ALDH1A3: variants seen among roughly 807,000 people sequenced by gnomAD.
The protein encoded by ALDH1A3 is aldehyde dehydrogenase 1 family member A3.
ALDH1A3 carries 28 observed loss-of-function variants against 57.5 expected under a neutral mutation model. The observed-to-expected ratio is 0.49, with a 90% confidence interval of 0.36 to 0.67. The LOEUF (loss-of-function observed/expected upper bound fraction) is 0.67. Ranked by LOEUF, ALDH1A3 falls within the 30% of genes least tolerant of loss-of-function variation. The pLI is 0.00. For missense variants in ALDH1A3, 507 were observed against 669.4 expected, an observed-to-expected ratio of 0.76 and a Z score of 2.68; for synonymous variants, 281 against 264.8, an observed-to-expected ratio of 1.06 and a Z score of -0.59.
intron 8 of ALDH1A3, among the ~76,000 whole-genome samples, chr15:100,898,780 G>A (rs578194190): frequency 5.3e-5 from 8 of 152,206 alleles, no homozygotes; most frequent in East Asian, 1.9e-4. Context: ...GATAGCTTGC[G>A]TCTTGACAGC....
At chr15:100,885,515 C>G in intron 2 of ALDH1A3, 144 bp downstream of exon 2, 1 of 619,614 alleles carries the variant, frequency 1.6e-6, no homozygotes, top group Non-Finnish European at 2.9e-6. Flanking sequence ...GCATGTGGTT[C>G]TCAGACGTGT....
At chr15:100,885,022 C>G (rs2041582015) in intron 1 of ALDH1A3, among the ~76,000 whole-genome samples, 1 of 152,156 alleles carries the variant, frequency 6.6e-6, no homozygotes, top group Non-Finnish European at 1.5e-5. Flanking sequence ...AAAAAAATCT[C>G]TAAGTGACTA....
chr15:100,903,336 TG>T (rs1276228486), intron 9 of ALDH1A3, among the ~76,000 whole-genome samples: 2 of 152,330 alleles, frequency 1.3e-5, no homozygotes, highest in Admixed American at 6.5e-5. Flanking sequence ...CTTTGTTTAT[TG>T]TTCCCTAAAA....
chr15:100,908,433 G>A lies in ALDH1A3; in HGVS notation c.1417G>A (p.Ala473Thr). Residue 473 changes from alanine to threonine, a missense_variant, in exon 12 of 13, where the codon GCA becomes ACA. This residue lies in a region of ALDH1A3 where 432 missense variants were observed against 608.4 expected (regional missense o/e 0.71). Transcript: ENST00000329841. The stretch of plus-strand genomic sequence containing the variant: ...GATCAACTGCTACAACGCCCTCTAT[G>A]CACAGGCTCCATTTGGTGGCTTTAA... ...VWINCYNALY[A>T]QAPFGGFKMS... 2 of 1,613,988 alleles carry A rather than the reference G, an allele frequency of 1.2e-6. No individual in the cohort carries two copies. Among genetic ancestry groups the A allele is most frequent in the South Asian group, 2.2e-5 (2 of 91,070 alleles).
At position 100,906,881 on chromosome 15, in the gene ALDH1A3, A is replaced by G. The variant is rs1201038857; in HGVS notation, c.1234-240A>G. Among the ~76,000 whole-genome samples the G allele has an allele frequency of 6.6e-6, 1 of 152,250 alleles. No homozygotes were observed. The highest frequency in any genetic ancestry group is 1.9e-4 in the East Asian group (1 of 5,202). On this transcript the variant is annotated intron_variant, in intron 10 of 12. Coordinates refer to ENST00000329841, the MANE Select transcript of ALDH1A3 (RefSeq NM_000693.4). This position sits in a 1 kb window ranked among gnomAD's most constrained non-coding sequence, Gnocchi z 4.8. Reference sequence around the variant, plus strand: ...CTGATGACAACAAGACATCTTAAACACAACATATATTTTTTGTTATTATTT... The same window carrying G: ...CTGATGACAACAAGACATCTTAAACGCAACATATATTTTTTGTTATTATTT...
At chr15:100,910,358 C>G (rs898070692) in intron 12 of ALDH1A3, among the ~76,000 whole-genome samples, 4 of 152,240 alleles carry the variant, frequency 2.6e-5, no homozygotes, top group African/African-American at 9.6e-5. Flanking sequence ...TGCTTCATCA[C>G]TTCTTACACC....
In ALDH1A3 at chr15:100,908,269, C is replaced by A. The variant is rs377194095; in HGVS notation, c.1392-139C>A. ...AATGAGAAGACAAAAGTTGAGAGCA[C>A]CCTGTGTTTTCATCAAGGAAGCTTT... is the stretch of plus-strand genomic sequence containing the variant. On this transcript the variant is annotated intron_variant, in intron 11 of 12. Transcript: ENST00000329841. The A allele has an allele frequency of 2.7e-4, 180 of 675,394 alleles. 2 individuals are homozygous for A. In the East Asian group the frequency reaches 3.2e-3, roughly 12 times the overall value. 41.8% of individuals were successfully genotyped at this position (675,394 alleles called of 1,614,324 possible).
chr15:100,896,023 A>C lies in ALDH1A3; in HGVS notation c.757A>C (p.Ile253Leu). 1 of 1,612,178 alleles carries C rather than the reference A, an allele frequency of 6.2e-7. No homozygotes were observed. Among genetic ancestry groups the C allele is most frequent in the South Asian group, 1.1e-5 (1 of 90,422 alleles). Residue 253 changes from isoleucine to leucine, a missense_variant, in exon 7 of 13, where the codon ATC becomes CTC. By Grantham distance (5) the Ile-to-Leu change is conservative. Transcript: ENST00000329841. Reference protein sequence around the residue: ...AISSHPQINKIAFTGSTEVGK... With the variant: ...AISSHPQINKLAFTGSTEVGK... The stretch of plus-strand genomic sequence containing the variant: ...TTCTTCTCACCCTCAGATCAACAAG[A>C]TCGCCTTCACCGGCTCCACAGAGGT...
chr15:100,888,471 G>T (rs531572063), intron 3 of ALDH1A3: 1 of 152,120 alleles, frequency 6.6e-6, no homozygotes, highest in South Asian at 2.1e-4. Context: ...GAAATCACAG[G>T]TTTGATGTGC....
At chr15:100,901,604 A>C (rs1450479199) in intron 9 of ALDH1A3, among the ~76,000 whole-genome samples, 1 of 152,230 alleles carries the variant, frequency 6.6e-6, no homozygotes, top group African/African-American at 2.4e-5. Context: ...TGAAAGTCAC[A>C]AAAACCCTTC....
Position 100,915,873 on chromosome 15 carries a change from G to A in ALDH1A3, c.*1100G>A, listed in dbSNP as rs986477749. ...ACCTCGGTCTTCATCCAAGTGGCCTGAGTATTTCACTGGCAGGTTGTGAAT... is the reference window on the plus strand; with the variant it reads ...ACCTCGGTCTTCATCCAAGTGGCCTAAGTATTTCACTGGCAGGTTGTGAAT... On this transcript the variant is annotated 3_prime_UTR_variant, in exon 13 of 13. Transcript: ENST00000329841. 2.6e-5 allele frequency: 4 copies of A among 152,202 alleles called. No homozygotes were observed. Among genetic ancestry groups the A allele is most frequent in the African/African-American group, 7.2e-5 (3 of 41,460 alleles). 9.4% of individuals were successfully genotyped at this position (152,202 alleles called of 1,614,324 possible). A position where few individuals can be genotyped will look rare whatever the true frequency, so the allele number is the denominator to read the frequency against.
At position 100,887,240 on chromosome 15, in the gene ALDH1A3, T is replaced by C. The variant is rs866172057; in HGVS notation, c.205-332T>C. Among the ~76,000 whole-genome samples, 4 of 152,256 alleles carry C rather than the reference T, an allele frequency of 2.6e-5. 1 individual carries two copies. The Middle Eastern group carries it at 0.01, about 388-fold the overall frequency. On this transcript the variant is annotated intron_variant, in intron 2 of 12. Transcript: ENST00000329841. This position sits in a 1 kb window ranked among gnomAD's most constrained non-coding sequence, Gnocchi z 4.6. ...TGCTGTTCTCTATAACTGATGGCCG[T>C]GGTCCCAAACTGCAGTCACGTCAAA... is the stretch of plus-strand genomic sequence containing the variant.
At chr15:100,891,747 G>A (rs529584624) in intron 3 of ALDH1A3, among the ~76,000 whole-genome samples, 9 of 152,356 alleles carry the variant, frequency 5.9e-5, no homozygotes, top group East Asian at 1.9e-4. Context: ...GATGACTGGC[G>A]GTTTCAGCGC....
intron 11 of ALDH1A3, among the ~76,000 whole-genome samples, chr15:100,907,849 T>TTTC (rs2041839521): frequency 1.5e-5 from 2 of 130,762 alleles, no homozygotes; most frequent in Non-Finnish European, 3.3e-5. Context: ...TCTTTCTTTT[T>TTTC]TTTTTTTTTT....
intron 10 of ALDH1A3, among the ~76,000 whole-genome samples, chr15:100,905,924 G>A (rs1400728169): frequency 6.6e-6 from 1 of 151,838 alleles, no homozygotes; most frequent in Non-Finnish European, 1.5e-5. Context: ...TACCTTGTTT[G>A]TTCTAGCTAG....
At position 100,889,578 on chromosome 15, in the gene ALDH1A3, C is replaced by T. The variant is rs964902553; in HGVS notation, c.345+1866C>T. 6.6e-6 allele frequency among the ~76,000 whole-genome samples: 1 copy of T among 152,338 alleles called. No individual in the cohort carries two copies. Among genetic ancestry groups the T allele is most frequent in the Non-Finnish European group, 1.5e-5 (1 of 68,030 alleles). On this transcript the variant is annotated intron_variant, in intron 3 of 12. Coordinates refer to ENST00000329841, the MANE Select transcript of ALDH1A3 (RefSeq NM_000693.4). The surrounding 1 kb of genome is among the most constrained non-coding windows in gnomAD (Gnocchi z 5.1). ...TTTCACCCGGCATGAGCTCATCGGTCGGCAATGTCCGTGTGGACTAATAGC... is the reference window on the plus strand; with the variant it reads ...TTTCACCCGGCATGAGCTCATCGGTTGGCAATGTCCGTGTGGACTAATAGC...
intron 1 of ALDH1A3, among the ~76,000 whole-genome samples, chr15:100,881,939 C>G (rs927560900): frequency 6.6e-6 from 1 of 152,204 alleles, no homozygotes; most frequent in Admixed American, 6.5e-5. Context: ...CTGGCACAGT[C>G]CTCAGGGAGA....
rs1189562973 is a variant in ALDH1A3, at chr15:100,915,862, C to A, written c.*1089C>A. The A allele has an allele frequency of 6.6e-6, 1 of 152,150 alleles. No individual in the cohort carries two copies. The highest frequency in any genetic ancestry group is 1.5e-5 in the Non-Finnish European group (1 of 68,018). 9.4% of individuals were successfully genotyped at this position (152,150 alleles called of 1,614,324 possible). On this transcript the variant is annotated 3_prime_UTR_variant, in exon 13 of 13. Transcript: ENST00000329841. ...TTCTATGGAGGACCTCGGTCTTCAT[C>A]CAAGTGGCCTGAGTATTTCACTGGC... is the stretch of plus-strand genomic sequence containing the variant.
chr15:100,893,047 C>T lies in ALDH1A3; in HGVS notation c.537+41C>T, dbSNP rs2141555395. ...TTTCTCAGTAGATTCTATGTAGATCCTGCCCCACTGCCCTGTGTCCTTTGG... is the reference window on the plus strand; with the variant it reads ...TTTCTCAGTAGATTCTATGTAGATCTTGCCCCACTGCCCTGTGTCCTTTGG... On this transcript the variant is annotated intron_variant, in intron 5 of 12. Transcript: ENST00000329841. This position sits in a 1 kb window ranked among gnomAD's most constrained non-coding sequence, Gnocchi z 4.8. 5 of 1,541,296 alleles carry T rather than the reference C, an allele frequency of 3.2e-6. No individual in the cohort carries two copies. The East Asian group carries it at 1.1e-4, about 35-fold the overall frequency.
Sources: gnomAD v4.1 joint callset for allele counts (sites outside exome capture counted in the v4.1 genomes callset) on GRCh38, gnomAD v4.1.1 for gene constraint, gnomAD v4.1.1 regional missense constraint, Gnocchi (gnomAD v3.1) non-coding constraint, MANE v1.5 for transcripts, NCBI Gene and HGNC (gene_info 2026-07-23, HGNC 2026-07-21) for gene names.